Variants in RERE observed in about 807,000 individuals in gnomAD.
RERE encodes the protein arginine-glutamic acid dipeptide repeats protein.
Under a neutral mutation model 146.1 loss-of-function variants are expected in RERE, and 40 were observed. That is an observed-to-expected ratio of 0.27 (90% CI 0.21 to 0.36). RERE has a LOEUF of 0.36. Among genes scored for constraint, RERE ranks in the 10% least tolerant of loss-of-function variants. The pLI, the probability that RERE is intolerant of heterozygous loss-of-function variation, is 1.00. For synonymous variants in RERE, 1,003 were observed against 866.0 expected (o/e 1.16, Z -2.78); for missense variants, 1,933 against 2,138.7 (o/e 0.90, Z 1.90).
intron 2 of RERE, among the ~76,000 whole-genome samples, chr1:8,637,879 GA>G (rs1647121650): frequency 6.6e-6 from 1 of 152,198 alleles, no homozygotes; most frequent in Non-Finnish European, 1.5e-5. Flanking sequence ...TAAATGTCCA[GA>G]CATACTAACT....
chr1:8,567,329 G>C (rs1646165163), intron 4 of RERE, among the ~76,000 whole-genome samples: 1 of 152,190 alleles, frequency 6.6e-6, no homozygotes, highest in Admixed American at 6.5e-5. Context: ...GAAGCATGAA[G>C]GGGGAATGGT....
At chr1:8,567,779 TA>T (rs1646169730) in intron 4 of RERE, among the ~76,000 whole-genome samples, 1 of 152,226 alleles carries the variant, frequency 6.6e-6, no homozygotes. Context: ...CCCTCATCTG[TA>T]AACTACAAGG....
In RERE at chr1:8,531,048, TCTATCTATCTATCTATCTATCTAA is replaced by T. The variant is rs1224856256; in HGVS notation, c.830+10142_830+10165del. Among the ~76,000 whole-genome samples the T allele has an allele frequency of 3.4e-3, 512 of 151,676 alleles. 1 individual carries two copies. Among genetic ancestry groups the T allele is most frequent in the African/African-American group, 0.012 (501 of 41,216 alleles). On this transcript the variant is annotated intron_variant, in intron 7 of 22. Coordinates refer to ENST00000400908, the MANE Select transcript of RERE (RefSeq NM_001042681.2). ...ATCTATCTATCTATCTATCTATCTA[TCTATCTATCTATCTATCTATCTAA>T]CTTTCTATCTATCTGTCCATCTTTC...
chr1:8,359,978 T>C lies in RERE; in HGVS notation c.3404A>G (p.Lys1135Arg). The C allele has an allele frequency of 1.9e-6, 3 of 1,612,518 alleles. No homozygotes were observed. Among genetic ancestry groups the C allele is most frequent in the Non-Finnish European group, 2.5e-6 (3 of 1,179,792 alleles). The change falls in exon 19 of 23, where the codon AAA becomes AGA. Residue 1135 changes from lysine to arginine, a missense_variant. Coordinates refer to ENST00000400908, the MANE Select transcript of RERE (RefSeq NM_001042681.2). ...CGAGTTGTAGCCCCGGTCCAGGTGT[T>C]TGTAGAACCTGAGAAAAGCCACAGA... ...SHASQSARFY[K>R]HLDRGYNSCA... is the part of the protein sequence containing the mutation.
At chr1:8,776,665 TCTTTC>T (rs1641069083) in intron 1 of RERE, among the ~76,000 whole-genome samples, 1 of 152,162 alleles carries the variant, frequency 6.6e-6, no homozygotes, top group African/African-American at 2.4e-5. Context: ...TAAGTTTTCC[TCTTTC>T]CTTCTTCTAA....
intron 12 of RERE, among the ~76,000 whole-genome samples, chr1:8,396,693 A>G (rs1438797616): frequency 6.6e-6 from 1 of 152,190 alleles, no homozygotes; most frequent in African/African-American, 2.4e-5. Flanking sequence ...ACATAAAATT[A>G]ATCATTTTAA....
At chr1:8,497,720 A>T (rs1396861625) in intron 8 of RERE, among the ~76,000 whole-genome samples, 191 bp from the exon 9 acceptor site, 1 of 152,246 alleles carries the variant, frequency 6.6e-6, no homozygotes, top group African/African-American at 2.4e-5. Context: ...TTCACCATAG[A>T]AGATTTCACA....
At chr1:8,709,619 T>C (rs1022744603) in intron 1 of RERE, among the ~76,000 whole-genome samples, 15 of 152,240 alleles carry the variant, frequency 9.9e-5, no homozygotes, top group African/African-American at 3.1e-4. Context: ...ATTTATGTTA[T>C]ACAGCAAGTC....
intron 11 of RERE, among the ~76,000 whole-genome samples, chr1:8,442,854 A>T (rs984396081): frequency 3.9e-5 from 6 of 152,342 alleles, no homozygotes; most frequent in African/African-American, 1.4e-4. Context: ...CAGGCTGAGA[A>T]GGTCTCAGAT....
intron 11 of RERE, among the ~76,000 whole-genome samples, chr1:8,431,004 T>C (rs942885655): frequency 3.3e-5 from 5 of 152,220 alleles, no homozygotes; most frequent in Non-Finnish European, 1.5e-5. Flanking sequence ...AGAGCCACAC[T>C]GGGTAGGCCC....
At chr1:8,531,795 CTT>C (rs1645657851) in intron 7 of RERE, among the ~76,000 whole-genome samples, 1 of 152,120 alleles carries the variant, frequency 6.6e-6, no homozygotes, top group African/African-American at 2.4e-5. Context: ...TTATCAAGTG[CTT>C]TTTCTACATT....
chr1:8,533,483 G>GAT (rs1645684814), intron 7 of RERE, among the ~76,000 whole-genome samples: 1 of 152,134 alleles, frequency 6.6e-6, no homozygotes, highest in African/African-American at 2.4e-5. Flanking sequence ...GATCCTACAG[G>GAT]ATCTTGGATG....
chr1:8,769,582 C>T (rs905917448), intron 1 of RERE, among the ~76,000 whole-genome samples: 1 of 152,084 alleles, frequency 6.6e-6, no homozygotes. Flanking sequence ...AAGGCTCAAG[C>T]GATCCTCCCA....
At chr1:8,633,548 T>G (rs2124258615) in intron 2 of RERE, among the ~76,000 whole-genome samples, 1 of 152,278 alleles carries the variant, frequency 6.6e-6, no homozygotes, top group South Asian at 2.1e-4. Context: ...TCTTGAGTGA[T>G]TACTCTTTCA....
chr1:8,436,953 T>C (rs1190809718), intron 11 of RERE, among the ~76,000 whole-genome samples: 4 of 152,196 alleles, frequency 2.6e-5, no homozygotes, highest in African/African-American at 7.2e-5. Context: ...TCCTAACTTC[T>C]TTTTTTGTAA....
intron 2 of RERE, among the ~76,000 whole-genome samples, chr1:8,628,293 TAAAAA>T (rs996897942): frequency 6.8e-6 from 1 of 146,960 alleles, no homozygotes; most frequent in Non-Finnish European, 1.5e-5. Flanking sequence ...GGGTGGCTGT[TAAAAA>T]AAAAAACTTT....
intron 4 of RERE, among the ~76,000 whole-genome samples, chr1:8,564,817 T>C (rs1646125472): frequency 3.2e-5 from 4 of 123,302 alleles, no homozygotes; most frequent in South Asian, 2.5e-4. Context: ...TGTATGTATG[T>C]GTGTGTATAT....
chr1:8,402,078 A>G (rs1158045609), intron 12 of RERE, among the ~76,000 whole-genome samples: 4 of 152,174 alleles, frequency 2.6e-5, no homozygotes, highest in Non-Finnish European at 4.4e-5. Context: ...CATGTTGGCC[A>G]GGATGGTCTC....
At chr1:8,507,217 C>T (rs530651022) in intron 8 of RERE, among the ~76,000 whole-genome samples, 2 of 152,244 alleles carry the variant, frequency 1.3e-5, no homozygotes, top group African/African-American at 2.4e-5. Context: ...TCAAGGCTGC[C>T]GTGAGCCGTG....
Sources: allele counts gnomAD v4.1 joint callset (sites outside exome capture counted in the v4.1 genomes callset), GRCh38; gene constraint gnomAD v4.1.1; transcripts MANE v1.5; gene names NCBI Gene and HGNC (gene_info 2026-07-23, HGNC 2026-07-21).